TAB3: variants seen among roughly 807,000 people sequenced by gnomAD.
TAB3 encodes the protein TGF-beta-activated kinase 1 and MAP3K7-binding protein 3.
A neutral mutation model predicts 48.1 loss-of-function variants in TAB3; 18 were observed. The ratio of observed to expected loss-of-function variants is 0.37; its 90% CI spans 0.26 to 0.55. The LOEUF is 0.55. TAB3 is among the 20% of genes least tolerant of loss of function. The pLI is 0.78. For synonymous variants in TAB3, 185 were observed against 190.2 expected (o/e 0.97, Z 0.22); for missense variants, 414 against 549.8 (o/e 0.75, Z 2.47).
At chrX:30,862,322 A>G (rs1449791403) in intron 4 of TAB3, among the ~76,000 whole-genome samples, 7 of 112,335 alleles carry the variant, frequency 6.2e-5, no homozygotes, top group African/African-American at 1.6e-4. Flanking sequence ...CAAACCTTCA[A>G]TAAAGAGCTT....
chrX:30,833,679 A>G (rs1938097579), intron 10 of TAB3, among the ~76,000 whole-genome samples: 1 of 109,471 alleles, frequency 9.1e-6, no homozygotes, highest in Admixed American at 9.7e-5. Context: ...AAAACACAAA[A>G]AATTAGCCGG....
chrX:30,843,531 T>G (rs774498419), intron 8 of TAB3: 1 of 111,961 alleles, frequency 8.9e-6, no homozygotes, highest in South Asian at 3.7e-4. Context: ...ATATAAACAT[T>G]TACAAGGATT....
intron 4 of TAB3, among the ~76,000 whole-genome samples, chrX:30,862,211 A>G (rs1322658556): frequency 1.8e-5 from 2 of 112,152 alleles, no homozygotes; most frequent in African/African-American, 6.5e-5. Flanking sequence ...TTAACTAATC[A>G]AATCGGCTTG....
intron 5 of TAB3, 84 bp downstream of exon 5, chrX:30,859,403 C>T: frequency 5.9e-6 from 4 of 676,590 alleles, no homozygotes; most frequent in Non-Finnish European, 9.1e-6. Flanking sequence ...AGAAAACATA[C>T]CTGGGTTCTA....
intron 6 of TAB3, among the ~76,000 whole-genome samples, chrX:30,853,503 C>G (rs2147357967): frequency 9.0e-6 from 1 of 110,571 alleles, no homozygotes; most frequent in Admixed American, 9.4e-5. Context: ...GAACTTTAGT[C>G]CATTCTCCAT....
rs951482823 is a variant in TAB3, at chrX:30,845,899, A to G, written c.1804+652T>C. On this transcript the variant is annotated intron_variant, in intron 8 of 10. Transcript: ENST00000288422. Reference sequence around the variant, plus strand: ...AGAATCAACTCTTGGTAAGCAGACAATTCAACCGATGGGAGCAATATTCAT... The same window carrying G: ...AGAATCAACTCTTGGTAAGCAGACAGTTCAACCGATGGGAGCAATATTCAT... 21 of 823,734 alleles carry G rather than the reference A, an allele frequency of 2.5e-5. No homozygotes were observed. In the African/African-American group the frequency reaches 3.8e-4, roughly 15 times the overall value. The allele number at this position is 823,734 out of a possible 1,213,427, so 67.9% of individuals were successfully genotyped here. A position where few individuals can be genotyped will look rare whatever the true frequency, so the allele number is the denominator to read the frequency against.
At chrX:30,872,486 T>A (rs1322415152) in intron 1 of TAB3, among the ~76,000 whole-genome samples, 3 of 111,979 alleles carry the variant, frequency 2.7e-5, no homozygotes, top group African/African-American at 9.8e-5. Flanking sequence ...TAATCTAACA[T>A]TCAGGAATAG....
chrX:30,857,187 C>T (rs1021179611), intron 5 of TAB3, among the ~76,000 whole-genome samples: 14 of 111,508 alleles, frequency 1.3e-4, no homozygotes, highest in Non-Finnish European at 2.6e-4. Flanking sequence ...CAATTATAAT[C>T]AATATAGAAA....
intron 2 of TAB3, among the ~76,000 whole-genome samples, chrX:30,870,303 A>G (rs1443359918): frequency 1.8e-5 from 2 of 112,691 alleles, no homozygotes; most frequent in Admixed American, 1.9e-4. Context: ...ATTAACCCTG[A>G]AATCCAAGAT....
chrX:30,857,780 A>T (rs1442047325), intron 5 of TAB3, among the ~76,000 whole-genome samples: 1 of 112,259 alleles, frequency 8.9e-6, no homozygotes, highest in Non-Finnish European at 1.9e-5. Context: ...GTCACATTTG[A>T]CTGTTAAATG....
At chrX:30,840,712 C>T (rs1466640488) in intron 9 of TAB3, among the ~76,000 whole-genome samples, 1 of 111,249 alleles carries the variant, frequency 9.0e-6, no homozygotes, top group African/African-American at 3.3e-5. Context: ...GATTGTGAGG[C>T]CCGCCCAGTC....
chrX:30,834,242 C>A, intron 9 of TAB3, 90 bp from the exon 10 acceptor site: 1 of 801,754 alleles, frequency 1.2e-6, no homozygotes, highest in Non-Finnish European at 1.8e-6. Flanking sequence ...AAGCAACCCA[C>A]ACAGCTGAGT....
intron 9 of TAB3, chrX:30,836,011 T>A (rs780522995): frequency 8.9e-6 from 1 of 112,300 alleles, no homozygotes; most frequent in African/African-American, 3.2e-5. Context: ...TATGTACTTT[T>A]AGAAAACGCC....
At chrX:30,868,402 T>TA (rs1358875159) in intron 2 of TAB3, among the ~76,000 whole-genome samples, 2 of 26,486 alleles carry the variant, frequency 7.6e-5, no homozygotes, top group African/African-American at 5.1e-4. Flanking sequence ...TATATATATA[T>TA]AGCTTATATA....
intron 5 of TAB3, among the ~76,000 whole-genome samples, chrX:30,857,613 C>CA: frequency 9.0e-6 from 1 of 110,705 alleles, no homozygotes. Flanking sequence ...GACCCAAATT[C>CA]AAAATGATAT....
intron 4 of TAB3, among the ~76,000 whole-genome samples, chrX:30,862,415 C>G (rs972629185): frequency 8.9e-6 from 1 of 111,738 alleles, no homozygotes; most frequent in Non-Finnish European, 1.9e-5. Flanking sequence ...TAATTACAAG[C>G]CTTTAAAATA....
chrX:30,857,437 CT>C (rs1296128898), intron 5 of TAB3, among the ~76,000 whole-genome samples: 50 of 103,352 alleles, frequency 4.8e-4, no homozygotes, highest in Middle Eastern at 4.9e-3. Flanking sequence ...ATAAAGTATT[CT>C]TTTTTTTTTT....
chrX:30,880,938 G>T (rs771881829), intron 1 of TAB3, among the ~76,000 whole-genome samples: 2 of 111,416 alleles, frequency 1.8e-5, no homozygotes, highest in Non-Finnish European at 3.8e-5. Context: ...TCCTGCTGAA[G>T]AAATCTTTGC....
intron 1 of TAB3, among the ~76,000 whole-genome samples, chrX:30,885,599 A>AG (rs200752279): frequency 0.24 from 26,938 of 110,653 alleles, 2,474 homozygotes; most frequent in Admixed American, 0.35. Flanking sequence ...AGAAGGATGG[A>AG]GCGGGGGATG....
Sources: allele counts gnomAD v4.1 joint callset (sites outside exome capture counted in the v4.1 genomes callset), GRCh38; gene constraint gnomAD v4.1.1; transcripts MANE v1.5; gene names NCBI Gene and HGNC (gene_info 2026-07-23, HGNC 2026-07-21).